PELP1: variants seen among roughly 807,000 people sequenced by gnomAD.
PELP1 encodes the protein proline, glutamate and leucine rich protein 1, also known as proline-, glutamic acid- and leucine-rich protein 1.
Under a neutral mutation model 95.5 loss-of-function variants are expected in PELP1, and 32 were observed. The ratio of observed to expected loss-of-function variants is 0.34; its 90% CI spans 0.25 to 0.45. The LOEUF is 0.45. Ranked by LOEUF, PELP1 falls within the 20% of genes least tolerant of loss-of-function variation. The pLI is 1.00. For synonymous variants in PELP1, 668 were observed against 600.1 expected, an observed-to-expected ratio of 1.11 and a Z score of -1.65; for missense variants, 1,358 against 1,444.8, an observed-to-expected ratio of 0.94 and a Z score of 0.97.
At chr17:4,696,420 G>T (rs1913300975) in intron 1 of PELP1, among the ~76,000 whole-genome samples, 1 of 152,216 alleles carries the variant, frequency 6.6e-6, no homozygotes, top group Non-Finnish European at 1.5e-5. Flanking sequence ...AATTGTTGAT[G>T]GAGAAAAGTG....
At chr17:4,683,506 AT>A (rs1912788167) in intron 3 of PELP1, among the ~76,000 whole-genome samples, 4 of 129,006 alleles carry the variant, frequency 3.1e-5, no homozygotes, top group Non-Finnish European at 4.9e-5. Flanking sequence ...GGTGTGAGCC[AT>A]CACGCCCAGC....
rs546631506 is a variant in PELP1 at position 4,673,560 on chromosome 17, C to G, written c.1638+59G>C. 247 of 1,578,920 alleles carry G rather than the reference C, an allele frequency of 1.6e-4. 1 individual carries two copies. The African/African-American group carries it at 3.0e-3, about 19-fold the overall frequency. The stretch of plus-strand genomic sequence containing the variant: ...GGACCCACCTCTGGGCCACACCCCC[C>G]AATGTGTACAGAGCAGGGGCCCCTT... On this transcript the variant is annotated intron_variant, in intron 14 of 16. Coordinates refer to ENST00000572293, the MANE Select transcript of PELP1 (RefSeq NM_014389.3). This position sits in a 1 kb window ranked among gnomAD's most constrained non-coding sequence, Gnocchi z 5.7.
chr17:4,683,047 G>A lies in PELP1; in HGVS notation c.421-95C>T, dbSNP rs867437410. 4.2e-5 allele frequency: 58 copies of A among 1,370,714 alleles called. No individual in the cohort carries two copies. In the South Asian group the frequency reaches 5.3e-4, roughly 12 times the overall value. The allele number at this position is 1,370,714 out of a possible 1,614,324, so 84.9% of individuals were successfully genotyped here. On this transcript the variant is annotated intron_variant, in intron 3 of 16. Transcript: ENST00000572293. ...ATACAAGCCTTCTGAGGAATGCCAC[G>A]GTTAATGTCAGTCTGACCATCCAAG...
intron 5 of PELP1, among the ~76,000 whole-genome samples, chr17:4,678,812 T>G (rs977057509): frequency 6.6e-6 from 1 of 152,188 alleles, no homozygotes; most frequent in African/African-American, 2.4e-5. Flanking sequence ...AATCCTGAGC[T>G]TGGAGTCTAC....
rs1218152010 is a variant in PELP1, at chr17:4,691,367, CA to C, written c.314+10del. ...CACGCCCCTGGAGAAAAAAAAGGGCCAAAGACTTACCGAGTTTTGATGGAAC... is the reference window on the plus strand; with the variant it reads ...CACGCCCCTGGAGAAAAAAAAGGGCCAAGACTTACCGAGTTTTGATGGAAC... On this transcript the variant is annotated intron_variant, in intron 2 of 16. Coordinates refer to ENST00000572293, the MANE Select transcript of PELP1 (RefSeq NM_014389.3). The C allele has an allele frequency of 3.7e-6, 6 of 1,608,662 alleles. No individual in the cohort carries two copies. The highest frequency in any genetic ancestry group is 2.7e-5 in the African/African-American group (2 of 74,790).
Position 4,703,884 on chromosome 17 carries a change from A to G in PELP1, c.228T>C (p.His76=). 1 of 1,612,532 alleles carries G rather than the reference A, an allele frequency of 6.2e-7. No homozygotes were observed. The highest frequency in any genetic ancestry group is 1.7e-5 in the Admixed American group (1 of 59,950). ...LPGLMCLLRL[H]GSVGGAQNLS... ...TCACCTGGGCCCCGCCCACCGACCCATGCAGCCGCAATAGGCACATGAGCC... is the reference window on the plus strand; with the variant it reads ...TCACCTGGGCCCCGCCCACCGACCCGTGCAGCCGCAATAGGCACATGAGCC... Residue 76 remains histidine (H), a synonymous_variant, in exon 1 of 17, where the codon CAT becomes CAC. Transcript: ENST00000572293.
chr17:4,700,966 G>GTTCCACTAAAAAAAAAAAAA (rs1913502545), intron 1 of PELP1, among the ~76,000 whole-genome samples: 1 of 32,156 alleles, frequency 3.1e-5, no homozygotes, highest in African/African-American at 1.1e-4. Flanking sequence ...AAGAAAAAGA[G>GTTCCACTAAAAAAAAAAAAA]AAAGAAAGAA....
chr17:4,691,704 G>A (rs1320319789), intron 1 of PELP1: 2 of 468,816 alleles, frequency 4.3e-6, no homozygotes, highest in Non-Finnish European at 7.6e-6. Context: ...ACACAGGACA[G>A]CCCAACTAAT....
intron 3 of PELP1, among the ~76,000 whole-genome samples, chr17:4,688,171 C>T (rs1212198436): frequency 2.0e-5 from 3 of 152,070 alleles, no homozygotes; most frequent in Non-Finnish European, 2.9e-5. Flanking sequence ...CCTATCTCTA[C>T]TAAAAATACA....
intron 3 of PELP1, among the ~76,000 whole-genome samples, chr17:4,688,156 G>C (rs988396955): frequency 6.6e-6 from 1 of 152,086 alleles, no homozygotes; most frequent in African/African-American, 2.4e-5. Flanking sequence ...CCAACATGGC[G>C]AAACCCTATC....
intron 2 of PELP1, 137 bp downstream of exon 2, chr17:4,691,241 G>A (rs1344975666): frequency 4.2e-6 from 3 of 713,316 alleles, no homozygotes; most frequent in Admixed American, 5.3e-5. Flanking sequence ...CTCACAAAAG[G>A]AATGTAACTC....
intron 1 of PELP1, among the ~76,000 whole-genome samples, chr17:4,699,885 C>T (rs990369872): frequency 7.0e-6 from 1 of 142,506 alleles, no homozygotes; most frequent in African/African-American, 2.6e-5. Context: ...CTGCACCCAG[C>T]CCTAGAGGGT....
chr17:4,690,983 G>A lies in PELP1; in HGVS notation c.325C>T (p.Leu109=), dbSNP rs760278465. ...LSSIKTRFEG[L]CLLSLLVGES... ...CCTACCAGCAGGGACAGCAGACACA[G>A]GCCCTCAAACCTTCAAAGAAAGAAG... Residue 109 remains leucine (L), a synonymous_variant, in exon 3 of 17, where the codon CTG becomes TTG. Transcript: ENST00000572293. 31 of 1,612,418 alleles carry A rather than the reference G, an allele frequency of 1.9e-5. No homozygotes were observed. In the Admixed American group the frequency reaches 3.3e-4, roughly 17 times the overall value.
rs754402714 is a variant in PELP1 at position 4,675,091 on chromosome 17, T to G, written c.1262A>C (p.Glu421Ala). Residue 421 changes from glutamate (E) to alanine (A), a missense_variant, in exon 11 of 17, where the codon GAG becomes GCG. This residue lies in a region of PELP1 where 538 missense variants were observed against 628.1 expected (regional missense o/e 0.86). Coordinates refer to ENST00000572293, the MANE Select transcript of PELP1 (RefSeq NM_014389.3). The surrounding 1 kb of genome is among the most constrained non-coding windows in gnomAD (Gnocchi z 4.3). ...IGRDSLSPGQ[E>A]RPYSTVRTKV... is the part of the protein sequence containing the mutation. The stretch of plus-strand genomic sequence containing the variant: ...CCTGGATGGTCACCTGTAAGGCCTC[T>G]CCTGGCCTGGAGAGAGGGAATCTCT... 4 of 1,613,736 alleles carry G rather than the reference T, an allele frequency of 2.5e-6. No homozygotes were observed. Among genetic ancestry groups the G allele is most frequent in the East Asian group, 2.2e-5 (1 of 44,866 alleles).
chr17:4,672,195 C>T lies in PELP1; in HGVS notation c.2796G>A (p.Glu932=). Residue 932 remains glutamate, a synonymous_variant, in exon 16 of 17, where the codon GAG becomes GAA. Coordinates refer to ENST00000572293, the MANE Select transcript of PELP1 (RefSeq NM_014389.3). ...CACCTTCTTCTTCCTCAAATTCTTCCTCAAACTCTTCTTCCTCCTCTTCTT... is the reference window on the plus strand; with the variant it reads ...CACCTTCTTCTTCCTCAAATTCTTCTTCAAACTCTTCTTCCTCCTCTTCTT... ...EEEEEEEEEF[E]EEFEEEEGEL... 1 of 1,552,356 alleles carries T rather than the reference C, an allele frequency of 6.4e-7. No individual in the cohort carries two copies. Among genetic ancestry groups the T allele is most frequent in the Non-Finnish European group, 8.7e-7 (1 of 1,147,368 alleles).
At position 4,674,801 on chromosome 17, in the gene PELP1, C is replaced by T; in HGVS notation, c.1422+8G>A. The T allele has an allele frequency of 6.2e-7, 1 of 1,607,076 alleles. No homozygotes were observed. Among genetic ancestry groups the T allele is most frequent in the Non-Finnish European group, 8.5e-7 (1 of 1,175,610 alleles). On this transcript the variant is annotated splice_region_variant and intron_variant, in intron 12 of 16. Transcript: ENST00000572293. ...ATGAGTCCTAAGGCGGAGCTGAGGC[C>T]TCCTCACCTTAAGGGCATCAGCTGG...
chr17:4,679,881 C>G (rs915221313), intron 5 of PELP1, among the ~76,000 whole-genome samples: 6 of 152,298 alleles, frequency 3.9e-5, no homozygotes, highest in Middle Eastern at 3.4e-3. Context: ...TCTGCTCAGG[C>G]ACTTTTCAGA....
intron 1 of PELP1, among the ~76,000 whole-genome samples, chr17:4,695,966 C>T (rs773657635): frequency 8.6e-5 from 13 of 150,674 alleles, no homozygotes; most frequent in Admixed American, 1.3e-4. Context: ...CATGAACCCC[C>T]GCAGTAAAGC....
At chr17:4,697,104 G>A (rs1913327752) in intron 1 of PELP1, among the ~76,000 whole-genome samples, 2 of 152,194 alleles carry the variant, frequency 1.3e-5, no homozygotes, top group African/African-American at 4.8e-5. Flanking sequence ...GTAAAGAGAA[G>A]AGAAACAGTG....
Sources: gnomAD v4.1 joint callset for allele counts (sites outside exome capture counted in the v4.1 genomes callset) on GRCh38, gnomAD v4.1.1 for gene constraint, gnomAD v4.1.1 regional missense constraint, Gnocchi (gnomAD v3.1) non-coding constraint, MANE v1.5 for transcripts, NCBI Gene and HGNC (gene_info 2026-07-23, HGNC 2026-07-21) for gene names.